The following TSHZ2 variants were observed in gnomAD, a reference collection of about 807,000 sequenced individuals.
The protein encoded by TSHZ2 is teashirt zinc finger homeobox 2.
Under a neutral mutation model 74.4 loss-of-function variants are expected in TSHZ2, and 21 were observed. The observed-to-expected ratio is 0.28, with a 90% confidence interval of 0.20 to 0.41. The LOEUF (loss-of-function observed/expected upper bound fraction) is 0.41. Among genes scored for constraint, TSHZ2 ranks in the 10% least tolerant of loss-of-function variants. The probability of loss-of-function intolerance (pLI) is 1.00; values close to 1 mark genes in which losing one functional copy is unlikely to be tolerated. For synonymous variants in TSHZ2, 540 were observed against 515.3 expected, an observed-to-expected ratio of 1.05 and a Z score of -0.65; for missense variants, 1,244 against 1,293.5, an observed-to-expected ratio of 0.96 and a Z score of 0.59.
intron 1 of TSHZ2, among the ~76,000 whole-genome samples, chr20:53,209,802 C>T (rs546729441): frequency 6.6e-6 from 1 of 152,290 alleles, no homozygotes; most frequent in Admixed American, 6.5e-5. Flanking sequence ...ATACGTGGAA[C>T]CTGCAGATGT....
intron 2 of TSHZ2, among the ~76,000 whole-genome samples, chr20:53,366,485 G>A (rs541161354): frequency 2.6e-4 from 39 of 152,208 alleles, no homozygotes; most frequent in African/African-American, 8.2e-4. Flanking sequence ...ATACCATTTC[G>A]GTGCCTAATT....
intron 1 of TSHZ2, among the ~76,000 whole-genome samples, chr20:53,030,799 A>G (rs1239564187): frequency 1.3e-5 from 2 of 152,246 alleles, no homozygotes; most frequent in Non-Finnish European, 2.9e-5. Flanking sequence ...GAGATGCGTA[A>G]TGTAAACATT....
At chr20:53,302,480 G>A (rs1053168470) in intron 2 of TSHZ2, among the ~76,000 whole-genome samples, 9 of 152,172 alleles carry the variant, frequency 5.9e-5, no homozygotes, top group African/African-American at 2.2e-4. Flanking sequence ...TCATCATCCT[G>A]TGGCAAACAT....
chr20:53,050,128 C>CATATATATATGTGTATATAT (rs1568736288), intron 1 of TSHZ2, among the ~76,000 whole-genome samples: 88 of 74,096 alleles, frequency 1.2e-3, no homozygotes, highest in African/African-American at 0.01. Context: ...TATATATACA[C>CATATATATATGTGTATATAT]ATATATATAT....
Position 52,992,566 on chromosome 20 carries a change from T to C in TSHZ2, c.40+19233T>C, listed in dbSNP as rs146942762. On this transcript the variant is annotated intron_variant, in intron 1 of 2. Transcript: ENST00000371497. ...TCAGCAGGGCAGCCCTTCTGTTTAC[T>C]GTCAAACTGCAGCCACAAATGGAGA... Among the ~76,000 whole-genome samples the C allele has an allele frequency of 6.6e-3, 1,001 of 152,268 alleles. 17 individuals are homozygous for C. Among genetic ancestry groups the C allele is most frequent in the African/African-American group, 0.023 (950 of 41,534 alleles).
chr20:53,062,281 G>T (rs971769313), intron 1 of TSHZ2, among the ~76,000 whole-genome samples: 1 of 152,194 alleles, frequency 6.6e-6, no homozygotes, highest in African/African-American at 2.4e-5. Context: ...TTGGCAAATT[G>T]TAAAGTGCAG....
chr20:53,394,761 C>CAAAAAAAAAAAAAAAAAAAAAA (rs3042185), intron 2 of TSHZ2, among the ~76,000 whole-genome samples: 4 of 72,356 alleles, frequency 5.5e-5, no homozygotes, highest in African/African-American at 2.1e-4. Context: ...CAATCTGTCT[C>CAAAAAAAAAAAAAAAAAAAAAA]AAAAAAAAAA....
intron 1 of TSHZ2, among the ~76,000 whole-genome samples, chr20:53,109,814 A>G (rs1425743227): frequency 6.6e-6 from 1 of 152,082 alleles, no homozygotes; most frequent in Non-Finnish European, 1.5e-5. Flanking sequence ...AAGCTCTGTG[A>G]TGATGCTTTT....
chr20:53,018,610 C>T (rs559043612), intron 1 of TSHZ2, among the ~76,000 whole-genome samples: 42 of 152,358 alleles, frequency 2.8e-4, no homozygotes, highest in African/African-American at 1.0e-3. Context: ...TGTCCTATCA[C>T]AGGTCACCAC....
intron 1 of TSHZ2, among the ~76,000 whole-genome samples, chr20:53,150,761 T>C (rs903131751): frequency 2.6e-5 from 4 of 151,448 alleles, no homozygotes; most frequent in Admixed American, 6.6e-5. Context: ...AAGGAGAAGA[T>C]CTTAAAAAGA....
rs1728019368 is a variant in TSHZ2 at position 53,487,288 on chromosome 20, A to AAAG, written c.*155_*156insGAA. 1 of 144,108 alleles carries AAAG rather than the reference A, an allele frequency of 6.9e-6. No homozygotes were observed. Among genetic ancestry groups the AAAG allele is most frequent in the Admixed American group, 7.0e-5 (1 of 14,378 alleles). 8.9% of individuals were successfully genotyped at this position (144,108 alleles called of 1,614,324 possible). A position where few individuals can be genotyped will look rare whatever the true frequency, so the allele number is the denominator to read the frequency against. On this transcript the variant is annotated 3_prime_UTR_variant, in exon 3 of 3. Transcript: ENST00000371497. ...GAAGACTGCCAAAAAAAAAAAAAAA[A>AAAG]AAAAATCACCCCAGCCATTTCTCTT...
Position 53,323,370 on chromosome 20 carries a change from C to T in TSHZ2, c.*8+66799C>T, listed in dbSNP as rs76218557. 6.6e-4 allele frequency among the ~76,000 whole-genome samples: 100 copies of T among 151,884 alleles called. 1 individual carries two copies. The East Asian group carries it at 0.011, about 17-fold the overall frequency. On this transcript the variant is annotated intron_variant, in intron 2 of 2. Transcript: ENST00000371497. Reference sequence around the variant, plus strand: ...CTTGGCTTGAGTCTCTACCTTCTACCGTGTGAAGTCTGTAGAAAGTGCCCT... The same window carrying T: ...CTTGGCTTGAGTCTCTACCTTCTACTGTGTGAAGTCTGTAGAAAGTGCCCT...
intron 1 of TSHZ2, among the ~76,000 whole-genome samples, chr20:53,192,281 C>T (rs1266046054): frequency 7.0e-6 from 1 of 143,012 alleles, no homozygotes; most frequent in Non-Finnish European, 1.5e-5. Context: ...CTGTTCTAAC[C>T]CTTCTCTGGC....
chr20:53,382,704 A>C (rs1981902442), intron 2 of TSHZ2, among the ~76,000 whole-genome samples: 1 of 152,226 alleles, frequency 6.6e-6, no homozygotes, highest in Non-Finnish European at 1.5e-5. Flanking sequence ...TCAGCACTGC[A>C]GGAGACCAGG....
chr20:53,007,234 C>T (rs1278292969), intron 1 of TSHZ2, among the ~76,000 whole-genome samples: 2 of 152,020 alleles, frequency 1.3e-5, no homozygotes, highest in Admixed American at 1.3e-4. Context: ...GCCAAGAAGG[C>T]CTTGGGTGCA....
At chr20:53,381,507 T>A (rs897501610) in intron 2 of TSHZ2, among the ~76,000 whole-genome samples, 2 of 152,218 alleles carry the variant, frequency 1.3e-5, no homozygotes, top group African/African-American at 4.8e-5. Flanking sequence ...ATATGTCAGG[T>A]ACAATTTTCA....
At chr20:53,196,427 G>A (rs1041686416) in intron 1 of TSHZ2, 1 of 146,654 alleles carries the variant, frequency 6.8e-6, no homozygotes, top group Admixed American at 6.8e-5. Context: ...GCCACCTAGT[G>A]AAGTTCTTAA....
intron 2 of TSHZ2, among the ~76,000 whole-genome samples, chr20:53,415,671 T>A (rs562481355): frequency 0.078 from 9 of 116 alleles, no homozygotes; most frequent in Admixed American, 0.17. Flanking sequence ...TAGTAAAACG[T>A]GATGTATGTG....
intron 1 of TSHZ2, among the ~76,000 whole-genome samples, chr20:52,983,299 A>G (rs2038479291): frequency 1.3e-5 from 2 of 152,214 alleles, no homozygotes; most frequent in African/African-American, 4.8e-5. Flanking sequence ...ATTATGTGAC[A>G]CATATAAAAC....
Sources: gnomAD v4.1 joint callset for allele counts (sites outside exome capture counted in the v4.1 genomes callset) on GRCh38, gnomAD v4.1.1 for gene constraint, MANE v1.5 for transcripts, NCBI Gene and HGNC (gene_info 2026-07-23, HGNC 2026-07-21) for gene names.